RTTN: variants seen among roughly 807,000 people sequenced by gnomAD.
The protein encoded by RTTN is rotatin.
A neutral mutation model predicts 269.2 loss-of-function variants in RTTN; 182 were observed. The observed-to-expected ratio is 0.68, with a 90% CI of 0.60 to 0.76. The LOEUF is 0.76. Among genes scored for constraint, RTTN ranks in the 30% least tolerant of loss-of-function variants. The probability of loss-of-function intolerance (pLI) is 0.00; values close to 1 mark genes in which losing one functional copy is unlikely to be tolerated. For missense variants in RTTN, 2,545 were observed against 2,608.6 expected (o/e 0.98, Z 0.53); for synonymous variants, 1,006 against 963.5 (o/e 1.04, Z -0.82).
chr18:70,147,776 G>A (rs938883797), intron 17 of RTTN, among the ~76,000 whole-genome samples: 3 of 152,058 alleles, frequency 2.0e-5, no homozygotes, highest in African/African-American at 7.2e-5. Context: ...TCCTGCCTTA[G>A]AATGTCTTTA....
intron 35 of RTTN, chr18:70,061,342 T>C (rs1305279727): frequency 4.4e-6 from 2 of 456,238 alleles, no homozygotes; most frequent in African/African-American, 2.0e-5. Context: ...TCCAGGTTCA[T>C]CTTGTTCTTT....
At chr18:70,050,991 C>A (rs1197398179) in intron 39 of RTTN, among the ~76,000 whole-genome samples, 1 of 151,956 alleles carries the variant, frequency 6.6e-6, no homozygotes, top group Non-Finnish European at 1.5e-5. Flanking sequence ...CCTAGATGAT[C>A]GGTTGATAGG....
At chr18:70,045,635 A>AT (rs2057469387) in intron 40 of RTTN, among the ~76,000 whole-genome samples, 1 of 152,232 alleles carries the variant, frequency 6.6e-6, no homozygotes, top group South Asian at 2.1e-4. Flanking sequence ...TAATAGGCCC[A>AT]TTAACTGTCC....
intron 46 of RTTN, among the ~76,000 whole-genome samples, chr18:70,010,050 A>T (rs569311799): frequency 1.3e-5 from 2 of 152,354 alleles, no homozygotes; most frequent in South Asian, 4.1e-4. Flanking sequence ...TCCTAAATAT[A>T]TATGCACCCA....
At chr18:70,005,061 A>G (rs1446654865) in intron 48 of RTTN, 137 bp downstream of exon 48, 1 of 521,208 alleles carries the variant, frequency 1.9e-6, no homozygotes, top group Non-Finnish European at 3.4e-6. Flanking sequence ...AAAAAATGAT[A>G]TAATTAAAGC....
intron 6 of RTTN, among the ~76,000 whole-genome samples, chr18:70,197,377 A>C (rs1363315188): frequency 6.6e-6 from 1 of 152,260 alleles, no homozygotes; most frequent in Admixed American, 6.5e-5. Context: ...TCTACCATTT[A>C]GGTGATCCAT....
intron 46 of RTTN, among the ~76,000 whole-genome samples, chr18:70,011,948 TATTG>T (rs2056388035): frequency 6.8e-6 from 1 of 147,640 alleles, no homozygotes; most frequent in African/African-American, 2.5e-5. Context: ...TGCTCACTGG[TATTG>T]GTTACAGGGC....
intron 26 of RTTN, among the ~76,000 whole-genome samples, chr18:70,117,094 G>C (rs2059620629): frequency 6.6e-6 from 1 of 152,062 alleles, no homozygotes; most frequent in African/African-American, 2.4e-5. Context: ...AATTTCACAA[G>C]AGAAAGTTCC....
intron 47 of RTTN, 40 bp from the exon 48 acceptor site, chr18:70,005,307 T>C (rs373027168): frequency 1.2e-5 from 18 of 1,442,428 alleles, no homozygotes; most frequent in Non-Finnish European, 1.7e-5. Flanking sequence ...CCATGTGTTA[T>C]GGATCATGAT....
intron 40 of RTTN, among the ~76,000 whole-genome samples, chr18:70,040,365 G>A (rs2057304778): frequency 1.3e-5 from 2 of 151,960 alleles, no homozygotes; most frequent in Non-Finnish European, 2.9e-5. Flanking sequence ...AAAACTGTAA[G>A]GACAGACAAA....
intron 41 of RTTN, among the ~76,000 whole-genome samples, chr18:70,030,397 T>C (rs1248101020): frequency 2.0e-5 from 3 of 152,214 alleles, no homozygotes; most frequent in Non-Finnish European, 4.4e-5. Context: ...ATTAATGGAC[T>C]TGATGTTGCC....
At chr18:70,107,332 A>G (rs2059346766) in intron 28 of RTTN, among the ~76,000 whole-genome samples, 1 of 152,230 alleles carries the variant, frequency 6.6e-6, no homozygotes, top group Non-Finnish European at 1.5e-5. Context: ...AGCCTTTCAT[A>G]TTCTCATGTT....
At chr18:70,083,905 C>CTT (rs5825988) in intron 32 of RTTN, among the ~76,000 whole-genome samples, 109 of 145,304 alleles carry the variant, frequency 7.5e-4, no homozygotes, top group South Asian at 8.8e-4. Context: ...GAGACCCCAT[C>CTT]TTTTTTTTTT....
chr18:70,143,443 A>G (rs1260866779), intron 18 of RTTN, among the ~76,000 whole-genome samples: 1 of 152,176 alleles, frequency 6.6e-6, no homozygotes, highest in African/African-American at 2.4e-5. Context: ...ATGTCTTTTG[A>G]GGGAACATGG....
At chr18:70,061,406 G>A in intron 35 of RTTN, 1 of 456,198 alleles carries the variant, frequency 2.2e-6, no homozygotes, top group Non-Finnish European at 4.4e-6. Context: ...ATTCCCTAAA[G>A]TGGAGAATGG....
At chr18:70,032,194 G>T (rs576268354) in intron 40 of RTTN, among the ~76,000 whole-genome samples, 1 of 152,320 alleles carries the variant, frequency 6.6e-6, no homozygotes, top group East Asian at 1.9e-4. Flanking sequence ...ACTCTGCAGG[G>T]TGGTCTTGCC....
chr18:70,091,070 A>AG (rs1882420471), intron 30 of RTTN, among the ~76,000 whole-genome samples: 1 of 152,304 alleles, frequency 6.6e-6, no homozygotes, highest in Admixed American at 6.5e-5. Flanking sequence ...TCACACCTGC[A>AG]GAAGAATTCT....
At chr18:70,199,249 A>AT in intron 5 of RTTN, among the ~76,000 whole-genome samples, 165 bp downstream of exon 5, 1 of 150,444 alleles carries the variant, frequency 6.6e-6, no homozygotes, top group African/African-American at 2.4e-5. Flanking sequence ...GCAAATAGGA[A>AT]TTTTTTTCTG....
chr18:70,028,879 T>C, intron 42 of RTTN, 78 bp from the exon 43 acceptor site: 2 of 982,690 alleles, frequency 2.0e-6, no homozygotes, highest in Non-Finnish European at 3.2e-6. Flanking sequence ...TTCCCTCCCC[T>C]TTGGGTCACG....
Sources: allele counts gnomAD v4.1 joint callset (sites outside exome capture counted in the v4.1 genomes callset), GRCh38; gene constraint gnomAD v4.1.1; transcripts MANE v1.5; gene names NCBI Gene and HGNC (gene_info 2026-07-23, HGNC 2026-07-21).